Variants in SMG6 observed in about 807,000 individuals in gnomAD.
SMG6 encodes the protein telomerase-binding protein EST1A.
Under a neutral mutation model 142.2 loss-of-function variants are expected in SMG6, and 66 were observed. The ratio of observed to expected loss-of-function variants is 0.46; its 90% CI spans 0.38 to 0.57. The LOEUF is 0.57. Among genes scored for constraint, SMG6 ranks in the 20% least tolerant of loss-of-function variants. The probability of loss-of-function intolerance (pLI) is 0.00; values close to 1 mark genes in which losing one functional copy is unlikely to be tolerated. For synonymous variants in SMG6, 779 were observed against 702.4 expected (o/e 1.11, Z -1.72); for missense variants, 1,793 against 1,832.0 (o/e 0.98, Z 0.39).
At chr17:2,173,629 C>T (rs2071572484) in intron 12 of SMG6, among the ~76,000 whole-genome samples, 1 of 152,182 alleles carries the variant, frequency 6.6e-6, no homozygotes, top group Non-Finnish European at 1.5e-5. Context: ...CCCCCCAGTC[C>T]TGGGCAAACT....
At chr17:2,079,798 G>C (rs2068362388) in intron 15 of SMG6, among the ~76,000 whole-genome samples, 1 of 152,098 alleles carries the variant, frequency 6.6e-6, no homozygotes, top group Non-Finnish European at 1.5e-5. Context: ...ATGGAGGCTG[G>C]GCGCAGTGGC....
intron 13 of SMG6, among the ~76,000 whole-genome samples, chr17:2,111,569 G>C (rs1216996981): frequency 6.6e-6 from 1 of 152,020 alleles, no homozygotes; most frequent in Non-Finnish European, 1.5e-5. Flanking sequence ...CTGCCACCAC[G>C]CCTGGCTAAT....
In SMG6 at chr17:2,075,914, C is replaced by T. The variant is rs892982883; in HGVS notation, c.3681+5896G>A. On this transcript the variant is annotated intron_variant, in intron 15 of 18. Transcript: ENST00000263073. ...CAGGCTCTGAGAGCTCCCCACACCCCTTTTCTGACCTCCAGTCGGCCCCAC... is the reference window on the plus strand; with the variant it reads ...CAGGCTCTGAGAGCTCCCCACACCCTTTTTCTGACCTCCAGTCGGCCCCAC... 2.6e-5 allele frequency among the ~76,000 whole-genome samples: 4 copies of T among 152,302 alleles called. No homozygotes were observed. In the South Asian group the frequency reaches 6.2e-4, roughly 24 times the overall value.
chr17:2,108,353 AC>A (rs1281238636), intron 13 of SMG6, among the ~76,000 whole-genome samples: 1 of 152,206 alleles, frequency 6.6e-6, no homozygotes, highest in Non-Finnish European at 1.5e-5. Context: ...GCAGTGACTC[AC>A]GCCTGTAATC....
At chr17:2,072,794 A>AAG (rs1289812806) in intron 15 of SMG6, 1 of 152,232 alleles carries the variant, frequency 6.6e-6, no homozygotes, top group Admixed American at 6.5e-5. Context: ...CTACAGGGTG[A>AAG]AGAATCATTC....
At chr17:2,234,492 A>G (rs2073593111) in intron 10 of SMG6, among the ~76,000 whole-genome samples, 1 of 151,786 alleles carries the variant, frequency 6.6e-6, no homozygotes, top group Non-Finnish European at 1.5e-5. Flanking sequence ...CAATCTCCTG[A>G]CCTCAGGTGA....
intron 8 of SMG6, among the ~76,000 whole-genome samples, chr17:2,270,853 T>A (rs2074527827): frequency 6.6e-6 from 1 of 152,202 alleles, no homozygotes. Context: ...AATGGGCATT[T>A]TCAGACTCAA....
chr17:2,279,570 T>C (rs936262755), intron 8 of SMG6, among the ~76,000 whole-genome samples: 2 of 152,192 alleles, frequency 1.3e-5, no homozygotes, highest in East Asian at 1.9e-4. Context: ...CTTCTTTCCA[T>C]AGTATATGGA....
intron 13 of SMG6, among the ~76,000 whole-genome samples, chr17:2,139,336 A>G (rs2070400361): frequency 6.6e-6 from 1 of 152,148 alleles, no homozygotes; most frequent in Non-Finnish European, 1.5e-5. Context: ...AGCCTAAGAG[A>G]TGGAAAGCAC....
chr17:2,062,378 A>C (rs1163691822), intron 18 of SMG6: 1 of 152,248 alleles, frequency 6.6e-6, no homozygotes, highest in Admixed American at 6.5e-5. Flanking sequence ...TTACAAGTAC[A>C]TACACTTGGA....
intron 13 of SMG6, among the ~76,000 whole-genome samples, chr17:2,106,644 G>C (rs1160390899): frequency 6.6e-6 from 1 of 152,176 alleles, no homozygotes; most frequent in Non-Finnish European, 1.5e-5. Flanking sequence ...CCGATTATGA[G>C]AGAGGGAAGG....
chr17:2,254,778 G>A (rs888367364), intron 8 of SMG6, among the ~76,000 whole-genome samples: 1 of 152,142 alleles, frequency 6.6e-6, no homozygotes, highest in South Asian at 2.1e-4. Flanking sequence ...CACAAGCTGT[G>A]AACAAGGCAG....
chr17:2,202,672 A>G (rs2072565939), intron 10 of SMG6, among the ~76,000 whole-genome samples: 1 of 152,260 alleles, frequency 6.6e-6, no homozygotes, highest in Non-Finnish European at 1.5e-5. Context: ...GACATACATG[A>G]GTACCCAGTA....
intron 6 of SMG6, among the ~76,000 whole-genome samples, chr17:2,287,318 G>C (rs2074929714): frequency 6.6e-6 from 1 of 152,154 alleles, no homozygotes; most frequent in African/African-American, 2.4e-5. Context: ...CTCATCATTA[G>C]GGAAACATAA....
intron 8 of SMG6, among the ~76,000 whole-genome samples, chr17:2,247,116 G>A (rs1255672748): frequency 2.6e-5 from 4 of 152,196 alleles, no homozygotes; most frequent in Admixed American, 1.3e-4. Context: ...ACCTTCCCAT[G>A]AAAGACCTCT....
At chr17:2,135,508 AC>A (rs2070265481) in intron 13 of SMG6, among the ~76,000 whole-genome samples, 1 of 152,144 alleles carries the variant, frequency 6.6e-6, no homozygotes, top group Non-Finnish European at 1.5e-5. Flanking sequence ...ACTGAGTTAT[AC>A]TTAGTGACTT....
downstream of SMG6, chr17:2,059,839 C>T (rs1425085238): frequency 1.2e-5 from 2 of 166,696 alleles, no homozygotes; most frequent in African/African-American, 2.4e-5. Context: ...AGCAAGAGGT[C>T]AGGTATGTTT....
rs780957483 is a variant in SMG6 at position 2,300,425 on chromosome 17, T to C, written c.328A>G (p.Ile110Val). The change falls in exon 2 of 19, where the codon ATA becomes GTA. Residue 110 changes from isoleucine (I) to valine (V), a missense_variant. Ile to Val is a conservative substitution (Grantham distance 29). Around this residue, in one of 3 missense-constraint regions of SMG6, gnomAD observed 1,597 missense variants for 1,584.6 expected, o/e 1.01. Transcript: ENST00000263073. ...TGTCCCCGATTATTTTCTGGGTCTA[T>C]AGGACCATTCTGCTCTTGGTTGTTC... ...ELNNQEQNGPIDPENNRGQES... is the reference protein window; with the variant it reads ...ELNNQEQNGPVDPENNRGQES... 12 of 1,614,134 alleles carry C rather than the reference T, an allele frequency of 7.4e-6. No individual in the cohort carries two copies. The highest frequency in any genetic ancestry group is 6.7e-5 in the Admixed American group (4 of 60,010).
At chr17:2,088,093 C>A (rs796631826) in intron 13 of SMG6, 1 of 985,406 alleles carries the variant, frequency 1.0e-6, no homozygotes, top group Non-Finnish European at 1.2e-6. Context: ...CTCACCTGGA[C>A]GATGAGAGGT....
Sources: gnomAD v4.1 joint callset for allele counts (sites outside exome capture counted in the v4.1 genomes callset) on GRCh38, gnomAD v4.1.1 for gene constraint, gnomAD v4.1.1 regional missense constraint, MANE v1.5 for transcripts, NCBI Gene and HGNC (gene_info 2026-07-23, HGNC 2026-07-21) for gene names.